TRAPPC9: variants seen among roughly 807,000 people sequenced by gnomAD.
TRAPPC9 encodes IKK2 binding protein.
TRAPPC9 carries 83 observed loss-of-function variants against 124.0 expected under a neutral mutation model. That is an observed-to-expected ratio of 0.67 (90% confidence interval 0.56 to 0.80). The LOEUF is 0.80. Ranked by LOEUF, TRAPPC9 falls within the 30% of genes least tolerant of loss-of-function variation. TRAPPC9 has a pLI of 0.00. For synonymous variants in TRAPPC9, 638 were observed against 617.5 expected (o/e 1.03, Z -0.49); for missense variants, 1,302 against 1,508.3 (o/e 0.86, Z 2.27).
At chr8:139,889,021 A>G (rs757716170) in intron 20 of TRAPPC9, among the ~76,000 whole-genome samples, 10 of 152,242 alleles carry the variant, frequency 6.6e-5, no homozygotes, top group Non-Finnish European at 1.5e-4. Context: ...TGATCTTCAC[A>G]ATAGCCAAAG....
chr8:140,016,457 AC>A (rs1839469651), intron 18 of TRAPPC9, among the ~76,000 whole-genome samples: 1 of 152,118 alleles, frequency 6.6e-6, no homozygotes, highest in Non-Finnish European at 1.5e-5. Context: ...GCCCCACGTT[AC>A]CTTAACCCAG....
chr8:140,188,971 G>A (rs1213945538), intron 17 of TRAPPC9, among the ~76,000 whole-genome samples: 1 of 148,034 alleles, frequency 6.8e-6, no homozygotes, highest in African/African-American at 2.4e-5. Flanking sequence ...TCCTCCCGTT[G>A]TTTCTAACCC....
At chr8:140,225,483 G>A (rs2063427926) in intron 16 of TRAPPC9, among the ~76,000 whole-genome samples, 1 of 152,180 alleles carries the variant, frequency 6.6e-6, no homozygotes, top group Non-Finnish European at 1.5e-5. Flanking sequence ...AAGTTTGAAT[G>A]AGTTTATTTT....
intron 21 of TRAPPC9, among the ~76,000 whole-genome samples, chr8:139,778,302 CA>C (rs112981012): frequency 0.012 from 1,879 of 152,172 alleles, 46 homozygotes; most frequent in African/African-American, 0.043. Flanking sequence ...AAGCAAAACC[CA>C]AAAGGATATA....
At chr8:140,074,007 G>A (rs972934623) in intron 17 of TRAPPC9, among the ~76,000 whole-genome samples, 12 of 152,156 alleles carry the variant, frequency 7.9e-5, no homozygotes, top group South Asian at 2.1e-4. Flanking sequence ...AAAATGAGAC[G>A]TGGAGAACCA....
intron 21 of TRAPPC9, among the ~76,000 whole-genome samples, chr8:139,865,979 G>A (rs1034921037): frequency 1.1e-4 from 16 of 151,464 alleles, no homozygotes; most frequent in African/African-American, 3.7e-4. Context: ...ACATCGGTTC[G>A]GTCCAAAAAG....
chr8:140,120,634 ACATC>A lies in TRAPPC9; in HGVS notation c.2557-96559_2557-96556del, dbSNP rs372956034. 6.6e-3 allele frequency among the ~76,000 whole-genome samples: 985 copies of A among 149,924 alleles called. 3 individuals carry two copies. The highest frequency in any genetic ancestry group is 0.024 in the Middle Eastern group (7 of 294). On this transcript the variant is annotated intron_variant, in intron 17 of 22. Coordinates refer to ENST00000438773, the MANE Select transcript of TRAPPC9 (RefSeq NM_001160372.4). ...CATCCATCCATCCGTCCAACATCCAACATCCATCCATCCATCCATTCATCCATCC... is the reference window on the plus strand; with the variant it reads ...CATCCATCCATCCGTCCAACATCCAACATCCATCCATCCATTCATCCATCC...
chr8:139,771,045 A>G (rs901085970), intron 21 of TRAPPC9, among the ~76,000 whole-genome samples: 2 of 152,102 alleles, frequency 1.3e-5, no homozygotes, highest in African/African-American at 4.8e-5. Flanking sequence ...AACATGCTGG[A>G]GACACTGAAC....
chr8:140,250,337 GCAAC>G (rs1217305893), intron 16 of TRAPPC9, among the ~76,000 whole-genome samples: 1 of 152,194 alleles, frequency 6.6e-6, no homozygotes, highest in Non-Finnish European at 1.5e-5. Context: ...CCCGGTTTGT[GCAAC>G]AGCTATCCAG....
At chr8:140,413,384 C>T (rs1032094773) in intron 5 of TRAPPC9, among the ~76,000 whole-genome samples, 3 of 151,650 alleles carry the variant, frequency 2.0e-5, no homozygotes, top group African/African-American at 7.3e-5. Flanking sequence ...GCGAGACTGT[C>T]TCAAAAAAAA....
intron 21 of TRAPPC9, among the ~76,000 whole-genome samples, chr8:139,864,455 T>C (rs1461219318): frequency 2.6e-5 from 4 of 152,224 alleles, no homozygotes; most frequent in Non-Finnish European, 4.4e-5. Context: ...GCACGTCATA[T>C]CTTTTGAAAT....
rs537750176 is a variant in TRAPPC9, at chr8:139,984,852, C to T, written c.2810+3874G>A. Among the ~76,000 whole-genome samples, 6 of 152,252 alleles carry T rather than the reference C, an allele frequency of 3.9e-5. No homozygotes were observed. The highest frequency in any genetic ancestry group is 6.5e-5 in the Admixed American group (1 of 15,300). On this transcript the variant is annotated intron_variant, in intron 19 of 22. Transcript: ENST00000438773. The surrounding 1 kb of genome is among the most constrained non-coding windows in gnomAD (Gnocchi z 4.3). ...CGCCTAAGATGACTTCCCAGATGGA[C>T]GTAACCTCATGACCTCTAGTTCACC...
intron 8 of TRAPPC9, among the ~76,000 whole-genome samples, chr8:140,364,972 C>A (rs1482075601): frequency 6.6e-6 from 1 of 150,728 alleles, no homozygotes; most frequent in Non-Finnish European, 1.5e-5. Context: ...CTCCCTGGCC[C>A]TCATCTGCAA....
chr8:139,883,906 C>G (rs1450405985), intron 21 of TRAPPC9, among the ~76,000 whole-genome samples: 1 of 152,192 alleles, frequency 6.6e-6, no homozygotes, highest in Non-Finnish European at 1.5e-5. Context: ...AAACCTCACT[C>G]ACGGGACTGT....
intron 21 of TRAPPC9, among the ~76,000 whole-genome samples, chr8:139,826,405 G>T (rs1825640322): frequency 6.6e-6 from 1 of 152,216 alleles, no homozygotes; most frequent in South Asian, 2.1e-4. Context: ...AGCCGGCCGG[G>T]TGAGCCTGGG....
intron 21 of TRAPPC9, among the ~76,000 whole-genome samples, chr8:139,846,164 C>T (rs1563858929): frequency 6.6e-6 from 1 of 152,246 alleles, no homozygotes; most frequent in South Asian, 2.1e-4. Context: ...TCAGACAGCT[C>T]GGCTTGGTGC....
At chr8:140,410,591 C>G (rs1207140973) in intron 5 of TRAPPC9, among the ~76,000 whole-genome samples, 3 of 152,310 alleles carry the variant, frequency 2.0e-5, no homozygotes, top group East Asian at 3.9e-4. Flanking sequence ...CGCCTGTAAT[C>G]CCAGCACTTC....
At chr8:140,367,647 G>T (rs545211905) in intron 8 of TRAPPC9, among the ~76,000 whole-genome samples, 1 of 152,226 alleles carries the variant, frequency 6.6e-6, no homozygotes, top group South Asian at 2.1e-4. Flanking sequence ...ATATCATAAT[G>T]GTGGATACTC....
intron 17 of TRAPPC9, among the ~76,000 whole-genome samples, chr8:140,207,311 T>C (rs1441148297): frequency 2.6e-4 from 39 of 152,202 alleles, no homozygotes; most frequent in Non-Finnish European, 7.3e-5. Context: ...GTTTCAGTAG[T>C]GGAGATATTT....
Sources: gnomAD v4.1 joint callset for allele counts (sites outside exome capture counted in the v4.1 genomes callset) on GRCh38, gnomAD v4.1.1 for gene constraint, Gnocchi (gnomAD v3.1) non-coding constraint, MANE v1.5 for transcripts, NCBI Gene and HGNC (gene_info 2026-07-23, HGNC 2026-07-21) for gene names.